Variants in RABL2B observed in about 807,000 individuals in gnomAD.
The protein encoded by RABL2B is RAB, member of RAS oncogene family like 2B.
In RABL2B, 17 loss-of-function variants were observed where a neutral mutation model predicts 26.7. The observed-to-expected ratio is 0.64, with a 90% CI of 0.44 to 0.95. The LOEUF (loss-of-function observed/expected upper bound fraction) is 0.95. RABL2B is among the 40% of genes least tolerant of loss of function. RABL2B has a pLI of 0.00. For synonymous variants in RABL2B, 70 were observed against 103.9 expected, an observed-to-expected ratio of 0.67 and a Z score of 1.99; for missense variants, 170 against 277.2, an observed-to-expected ratio of 0.61 and a Z score of 2.75.
Position 50,768,832 on chromosome 22 carries a change from C to G in RABL2B, c.634G>C (p.Glu212Gln). 6.2e-7 allele frequency: 1 copy of G among 1,613,582 alleles called. No homozygotes were observed. The highest frequency in any genetic ancestry group is 8.5e-7 in the Non-Finnish European group (1 of 1,179,818). ...GGGGTCTCGATGCTGCTGCTCTGTT[C>G]CTGGTCTGGCACGTCCTCCTCTTCC... ...EQEEEDVPDQEQSSSIETPSE... is the reference protein window; with the variant it reads ...EQEEEDVPDQQQSSSIETPSE... Residue 212 changes from glutamate to glutamine, a missense_variant, in exon 9 of 9, where the codon GAA (glutamate) becomes CAA (glutamine). Glu to Gln is a conservative substitution (Grantham distance 29). This residue lies in a region of RABL2B where 165 missense variants were observed against 232.0 expected (regional missense o/e 0.71). Transcript: ENST00000691320.
rs1489578191 is a variant in RABL2B at position 50,767,831 on chromosome 22, C to CCTAA, written c.*941_*944dup. ...GACTCGATTTTACGGCTTGTGTATT[C>CCTAA]CTAACTATAGCTAGGCCTGTCACCT... is the stretch of plus-strand genomic sequence containing the variant. On this transcript the variant is annotated 3_prime_UTR_variant, in exon 9 of 9. Coordinates refer to ENST00000691320, the MANE Select transcript of RABL2B (RefSeq NM_001130919.3). 2.3e-6 allele frequency: 1 copy of CCTAA among 441,216 alleles called. No individual in the cohort carries two copies. The highest frequency in any genetic ancestry group is 4.5e-6 in the Non-Finnish European group (1 of 221,622). The allele number at this position is 441,216 out of a possible 1,614,324, so 27.3% of individuals were successfully genotyped here. A position where few individuals can be genotyped will look rare whatever the true frequency, so the allele number is the denominator to read the frequency against.
intron 1 of RABL2B, 37 bp from the exon 2 acceptor site, chr22:50,782,384 A>T (rs1284902973): frequency 1.4e-6 from 2 of 1,434,302 alleles, no homozygotes; most frequent in Non-Finnish European, 1.9e-6. Context: ...GTTGTCAGAG[A>T]TAAGTCCCCT....
In RABL2B at chr22:50,778,796, T is replaced by C. The variant is rs1555926366; in HGVS notation, c.108-815A>G. On this transcript the variant is annotated intron_variant, in intron 2 of 8. Transcript: ENST00000691320. ...GCCTTCCCTGACCACTCTCTTGACA[T>C]TGCAACCTTTTTTCCCTCACGTTTT... is the stretch of plus-strand genomic sequence containing the variant. 4.1e-5 allele frequency among the ~76,000 whole-genome samples: 6 copies of C among 147,712 alleles called. 1 individual carries two copies. The highest frequency in any genetic ancestry group is 2.7e-4 in the Admixed American group (4 of 14,746).
intron 5 of RABL2B, chr22:50,772,814 G>C (rs2147076047): frequency 8.7e-7 from 1 of 1,155,516 alleles, no homozygotes; most frequent in East Asian, 6.0e-5. Context: ...GTCCAGGTCT[G>C]GTTTCCTGAG....
At position 50,775,925 on chromosome 22, in the gene RABL2B, C is replaced by T. The variant is rs552547766; in HGVS notation, c.218-74G>A. On this transcript the variant is annotated intron_variant, in intron 4 of 8. Transcript: ENST00000691320. Reference sequence around the variant, plus strand: ...AAGTCACTAAGATACAACACACATGCGGCACAAACCACAGCACATGTGTGA... The same window carrying T: ...AAGTCACTAAGATACAACACACATGTGGCACAAACCACAGCACATGTGTGA... 1.1e-4 allele frequency: 179 copies of T among 1,572,578 alleles called. No homozygotes were observed. In the African/African-American group the frequency reaches 1.9e-3, roughly 16 times the overall value.
chr22:50,768,146 A>C lies in RABL2B; in HGVS notation c.*630T>G, dbSNP rs1555914992. On this transcript the variant is annotated 3_prime_UTR_variant, in exon 9 of 9. Coordinates refer to ENST00000691320, the MANE Select transcript of RABL2B (RefSeq NM_001130919.3). ...TGCCAGCCACTCGGGAGGCTGAGGC[A>C]GGAGAATCGTTTGAACCAGGGAGTC... is the stretch of plus-strand genomic sequence containing the variant. 1 of 197,914 alleles carries C rather than the reference A, an allele frequency of 5.1e-6. No individual in the cohort carries two copies. The highest frequency in any genetic ancestry group is 7.1e-5 in the South Asian group (1 of 14,104). 12.3% of individuals were successfully genotyped at this position (197,914 alleles called of 1,614,324 possible).
rs374739926 is a variant in RABL2B at position 50,768,026 on chromosome 22, G to T, written c.*750C>A. On this transcript the variant is annotated 3_prime_UTR_variant, in exon 9 of 9. Transcript: ENST00000691320. ...TCCCAGCACTTTGGGAGGCCGAGGC[G>T]GGCGGATCACGAGGTGAGGAGATCG... The T allele has an allele frequency of 0.076, 21,104 of 279,500 alleles. 1,181 individuals carry two copies. Among genetic ancestry groups the T allele is most frequent in the African/African-American group, 0.2 (8,268 of 42,390 alleles). The allele number at this position is 279,500 out of a possible 1,614,324, so 17.3% of individuals were successfully genotyped here. A position where few individuals can be genotyped will look rare whatever the true frequency, so the allele number is the denominator to read the frequency against.
At chr22:50,771,045 ATTTT>A (rs112046010) in intron 5 of RABL2B, among the ~76,000 whole-genome samples, 1 of 134,520 alleles carries the variant, frequency 7.4e-6, no homozygotes, top group Non-Finnish European at 1.6e-5. Context: ...ACTGCCCCTG[ATTTT>A]TTTTTTTTTT....
intron 2 of RABL2B, among the ~76,000 whole-genome samples, chr22:50,781,355 A>C (rs1471114836): frequency 1.3e-5 from 2 of 151,424 alleles, no homozygotes; most frequent in Non-Finnish European, 2.9e-5. Flanking sequence ...AAAAAAAAAA[A>C]AAAAAAACTA....
chr22:50,777,169 C>T (rs572956305), intron 3 of RABL2B, among the ~76,000 whole-genome samples: 21 of 152,324 alleles, frequency 1.4e-4, no homozygotes, highest in African/African-American at 4.6e-4. Flanking sequence ...AGCCATACAG[C>T]TGACAAGCTG....
At chr22:50,776,045 G>A (rs1297356772) in intron 4 of RABL2B, among the ~76,000 whole-genome samples, 194 bp from the exon 5 acceptor site, 1 of 152,200 alleles carries the variant, frequency 6.6e-6, no homozygotes, top group African/African-American at 2.4e-5. Flanking sequence ...TGAGAGGTGT[G>A]TCTTCACCTG....
At chr22:50,769,872 ATT>A (rs1321719158) in intron 6 of RABL2B, 31 bp downstream of exon 6, 1 of 1,600,836 alleles carries the variant, frequency 6.2e-7, no homozygotes, top group African/African-American at 1.3e-5. Flanking sequence ...TCCCCAGTGA[ATT>A]GCTAACACCC....
Position 50,767,685 on chromosome 22 carries a change from G to A in RABL2B, c.*1091C>T, listed in dbSNP as rs554137189. On this transcript the variant is annotated 3_prime_UTR_variant, in exon 9 of 9. Transcript: ENST00000691320. ...CTCTTGCAGTCCTCAGCCTCCCACA[G>A]GAGGCACAAGGTCCAAACTATTCCT... 10 of 448,032 alleles carry A rather than the reference G, an allele frequency of 2.2e-5. No individual in the cohort carries two copies. The highest frequency in any genetic ancestry group is 3.1e-5 in the Non-Finnish European group (7 of 223,424). 27.8% of individuals were successfully genotyped at this position (448,032 alleles called of 1,614,324 possible).
intron 2 of RABL2B, among the ~76,000 whole-genome samples, chr22:50,780,338 T>C (rs1555927618): frequency 6.6e-6 from 1 of 151,578 alleles, no homozygotes; most frequent in Non-Finnish European, 1.5e-5. Context: ...AACATTGCTC[T>C]CTAGAAATGA....
chr22:50,777,977 T>C lies in RABL2B; in HGVS notation c.112A>G (p.Met38Val), dbSNP rs782082492. The C allele has an allele frequency of 1.9e-6, 3 of 1,614,060 alleles. No homozygotes were observed. Among genetic ancestry groups the C allele is most frequent in the Non-Finnish European group, 2.5e-6 (3 of 1,180,004 alleles). ...GDSAVGKSKL[M>V]ERFLMDGFQP... is the part of the protein sequence containing the mutation. ...AAGCCATCCATGAGAAATCTCTCCA[T>C]GAGTCTGTAAGCAGAACAGGCAAGG... is the stretch of plus-strand genomic sequence containing the variant. The change falls in exon 3 of 9, where the codon ATG (methionine) becomes GTG (valine). Residue 38 changes from methionine (M) to valine (V), a missense_variant. Met to Val is a conservative substitution (Grantham distance 21). This residue lies in a region of RABL2B where 165 missense variants were observed against 232.0 expected (regional missense o/e 0.71). Coordinates refer to ENST00000691320, the MANE Select transcript of RABL2B (RefSeq NM_001130919.3).
At chr22:50,776,034 G>A (rs1203621986) in intron 4 of RABL2B, among the ~76,000 whole-genome samples, 183 bp from the exon 5 acceptor site, 2 of 152,210 alleles carry the variant, frequency 1.3e-5, no homozygotes, top group Non-Finnish European at 2.9e-5. Context: ...TGAGTGTGAT[G>A]TGAGAGGTGT....
chr22:50,775,835 T>A lies in RABL2B; in HGVS notation c.234A>T (p.Ala78=). The change falls in exon 5 of 9, where the codon GCA becomes GCT. Residue 78 remains alanine (A), a synonymous_variant. Transcript: ENST00000691320. ...RTILVDFWDT[A]GQERFQSMHA... ...GCATGCTCTGGAACCGCTCCTGGCC[T>A]GCCGTGTCCCAAAAGTCTGCAATGT... The A allele has an allele frequency of 6.2e-7, 1 of 1,614,212 alleles. No individual in the cohort carries two copies. Among genetic ancestry groups the A allele is most frequent in the Non-Finnish European group, 8.5e-7 (1 of 1,180,034 alleles).
At chr22:50,777,926 G>A (rs368143899) in intron 3 of RABL2B, 26 bp downstream of exon 3, 6 of 1,614,034 alleles carry the variant, frequency 3.7e-6, no homozygotes, top group South Asian at 1.1e-5. Flanking sequence ...ACAGGAACAA[G>A]GGGTACTTCA....
chr22:50,775,306 C>G (rs1429365088), intron 5 of RABL2B, among the ~76,000 whole-genome samples: 1 of 152,104 alleles, frequency 6.6e-6, no homozygotes, highest in Non-Finnish European at 1.5e-5. Context: ...GGACTGCGTC[C>G]TGGGCAACAC....
Sources: allele counts gnomAD v4.1 joint callset (sites outside exome capture counted in the v4.1 genomes callset), GRCh38; gene constraint gnomAD v4.1.1; regional missense constraint gnomAD v4.1.1; transcripts MANE v1.5; gene names NCBI Gene and HGNC (gene_info 2026-07-23, HGNC 2026-07-21).